Variants in PLD1 observed in about 807,000 individuals in gnomAD.
The protein encoded by PLD1 is choline phosphatase 1.
Under a neutral mutation model 137.1 loss-of-function variants are expected in PLD1, and 112 were observed. That is an observed-to-expected ratio of 0.82 (90% CI 0.70 to 0.96). PLD1 has a LOEUF of 0.96. PLD1 is among the 40% of genes least tolerant of loss of function. The pLI is 0.00. For missense variants in PLD1, 1,321 were observed against 1,342.0 expected (o/e 0.98, Z 0.24); for synonymous variants, 431 against 454.7 (o/e 0.95, Z 0.66).
chr3:171,687,531 A>G lies in PLD1; in HGVS notation c.1593T>C (p.Pro531=). ...ESLRLKDKNE[P]VQNLPIQKSI... ...TCTTCTGGATGGGTAGGTTTTGAAC[A>G]GGCTCATTTTTATCTTTGAGTCTTA... Residue 531 remains proline, a synonymous_variant, in exon 15 of 27, where the codon CCT becomes CCC. Transcript: ENST00000351298. 1.2e-6 allele frequency: 2 copies of G among 1,614,140 alleles called. No individual in the cohort carries two copies. Among genetic ancestry groups the G allele is most frequent in the Non-Finnish European group, 8.5e-7 (1 of 1,179,994 alleles).
intron 1 of PLD1, among the ~76,000 whole-genome samples, chr3:171,773,613 C>T (rs905126349): frequency 1.3e-5 from 2 of 150,556 alleles, no homozygotes; most frequent in African/African-American, 5.0e-5. Context: ...AAAAACAAAA[C>T]AAAACAAACA....
chr3:171,635,736 A>T (rs1288154371), intron 23 of PLD1, among the ~76,000 whole-genome samples: 1 of 151,890 alleles, frequency 6.6e-6, no homozygotes, highest in Non-Finnish European at 1.5e-5. Context: ...TTCCTTGATA[A>T]TGTTCATTGG....
intron 1 of PLD1, among the ~76,000 whole-genome samples, chr3:171,746,605 G>A (rs1050593606): frequency 3.3e-5 from 5 of 152,080 alleles, no homozygotes; most frequent in Non-Finnish European, 7.3e-5. Flanking sequence ...ACACCAGTCA[G>A]TGCTCTGTGT....
chr3:171,794,956 G>C lies in PLD1; in HGVS notation c.-32+15443C>G, dbSNP rs190683014. Among the ~76,000 whole-genome samples, 83 of 152,310 alleles carry C rather than the reference G, an allele frequency of 5.4e-4. 1 individual carries two copies. Among genetic ancestry groups the C allele is most frequent in the Admixed American group, 4.4e-3 (68 of 15,298 alleles). Reference sequence around the variant, plus strand: ...TGTAATTGTGTGCAACACATCTTTTGTATCAGTACAATTTATAATAGACAT... The same window carrying C: ...TGTAATTGTGTGCAACACATCTTTTCTATCAGTACAATTTATAATAGACAT... On this transcript the variant is annotated intron_variant, in intron 1 of 26. Coordinates refer to ENST00000351298, the MANE Select transcript of PLD1 (RefSeq NM_002662.5).
At chr3:171,700,489 A>G (rs1372346600) in intron 11 of PLD1, among the ~76,000 whole-genome samples, 1 of 152,164 alleles carries the variant, frequency 6.6e-6, no homozygotes, top group Non-Finnish European at 1.5e-5. Flanking sequence ...GTGCAGCAAT[A>G]TTGAAATTCT....
At chr3:171,775,772 G>A (rs1194397133) in intron 1 of PLD1, among the ~76,000 whole-genome samples, 1 of 152,114 alleles carries the variant, frequency 6.6e-6, no homozygotes, top group African/African-American at 2.4e-5. Context: ...GAACCCAGGA[G>A]GCAGAGGTTG....
chr3:171,688,907 T>C (rs1714853170), intron 13 of PLD1, 31 bp from the exon 14 acceptor site: 3 of 1,544,208 alleles, frequency 1.9e-6, no homozygotes, highest in Non-Finnish European at 2.7e-6. Context: ...ACTGATAATA[T>C]GCTTTTGAAA....
At position 171,677,533 on chromosome 3, in the gene PLD1, A is replaced by G. The variant is rs79908651; in HGVS notation, c.1996+33T>C. On this transcript the variant is annotated intron_variant, in intron 17 of 26. Transcript: ENST00000351298. ...GAGATGTTCAAAGGTAAAAGACAAA[A>G]TATAACCAGCACCCCACCATTATGA... The G allele has an allele frequency of 5.9e-3, 9,425 of 1,603,540 alleles. 544 individuals carry two copies. In the African/African-American group the frequency reaches 0.11, roughly 19 times the overall value.
intron 23 of PLD1, among the ~76,000 whole-genome samples, chr3:171,638,706 G>A (rs1288164196): frequency 3.3e-5 from 5 of 152,198 alleles, no homozygotes; most frequent in Admixed American, 3.3e-4. Flanking sequence ...GGGAGTTTGT[G>A]TCTTTAATAC....
At chr3:171,735,699 A>C (rs1372386934) in intron 3 of PLD1, 62 bp from the exon 4 acceptor site, 1 of 926,384 alleles carries the variant, frequency 1.1e-6, no homozygotes, top group Non-Finnish European at 1.7e-6. Context: ...AAAAGCTTTC[A>C]GTGAACAATA....
chr3:171,781,927 C>A (rs1420524997), intron 1 of PLD1, among the ~76,000 whole-genome samples: 1 of 152,158 alleles, frequency 6.6e-6, no homozygotes, highest in East Asian at 1.9e-4. Context: ...AAAAAAGACT[C>A]CATTCACCAT....
chr3:171,730,211 T>C (rs1239952218), intron 6 of PLD1, among the ~76,000 whole-genome samples: 2 of 152,192 alleles, frequency 1.3e-5, no homozygotes, highest in Non-Finnish European at 2.9e-5. Flanking sequence ...AAGGAATTCT[T>C]GTTTGAGATT....
chr3:171,687,240 T>C (rs1714657050), intron 15 of PLD1, 131 bp downstream of exon 15: 4 of 705,962 alleles, frequency 5.7e-6, no homozygotes, highest in Non-Finnish European at 2.4e-6. Context: ...AATAGAATGA[T>C]ATAGCGACCT....
chr3:171,730,326 A>G (rs994179728), intron 6 of PLD1, among the ~76,000 whole-genome samples: 1 of 152,334 alleles, frequency 6.6e-6, no homozygotes, highest in African/African-American at 2.4e-5. Flanking sequence ...TGAGCAAAGA[A>G]AACTGAACAA....
chr3:171,728,823 A>G (rs982084468), intron 6 of PLD1, among the ~76,000 whole-genome samples: 3 of 152,226 alleles, frequency 2.0e-5, no homozygotes, highest in Non-Finnish European at 2.9e-5. Flanking sequence ...CACATTAATA[A>G]TGTAGAAAAT....
At chr3:171,619,042 T>G (rs944120066) in intron 24 of PLD1, among the ~76,000 whole-genome samples, 3 of 152,152 alleles carry the variant, frequency 2.0e-5, no homozygotes, top group African/African-American at 7.2e-5. Context: ...TCCAAAATTT[T>G]CAAAACACTC....
chr3:171,752,038 A>G lies in PLD1; in HGVS notation c.-31-13956T>C, dbSNP rs557355128. Among the ~76,000 whole-genome samples the G allele has an allele frequency of 9.9e-5, 15 of 152,284 alleles. No homozygotes were observed. The South Asian group carries it at 3.1e-3, about 32-fold the overall frequency. On this transcript the variant is annotated intron_variant, in intron 1 of 26. Coordinates refer to ENST00000351298, the MANE Select transcript of PLD1 (RefSeq NM_002662.5). ...AAAAAGAAAGAAAGAAAATTAGACA[A>G]CTGAAAATATCCATCTATCAGAGAA...
chr3:171,750,313 AAT>A (rs1411644430), intron 1 of PLD1, among the ~76,000 whole-genome samples: 1 of 152,214 alleles, frequency 6.6e-6, no homozygotes, highest in Non-Finnish European at 1.5e-5. Flanking sequence ...TGAAGACAAC[AAT>A]AGAAATTATC....
At chr3:171,666,217 G>A (rs1006513741) in intron 19 of PLD1, 5 of 152,278 alleles carry the variant, frequency 3.3e-5, no homozygotes, top group African/African-American at 1.2e-4. Flanking sequence ...ACCTACCAGA[G>A]ACTGGATAAT....
Sources: allele counts gnomAD v4.1 joint callset (sites outside exome capture counted in the v4.1 genomes callset), GRCh38; gene constraint gnomAD v4.1.1; transcripts MANE v1.5; gene names NCBI Gene and HGNC (gene_info 2026-07-23, HGNC 2026-07-21).